Variants in NEGR1 observed in about 807,000 individuals in gnomAD.
The protein encoded by NEGR1 is IgLON family member 4.
NEGR1 carries 10 observed loss-of-function variants against 40.9 expected under a neutral mutation model. The ratio of observed to expected loss-of-function variants is 0.24; its 90% CI spans 0.15 to 0.42. NEGR1 has a LOEUF of 0.42. Ranked by LOEUF, NEGR1 falls within the 10% of genes least tolerant of loss-of-function variation. The probability of loss-of-function intolerance (pLI) is 1.00; values close to 1 mark genes in which losing one functional copy is unlikely to be tolerated. For missense variants in NEGR1, 352 were observed against 438.9 expected (o/e 0.80, Z 1.77); for synonymous variants, 185 against 166.8 (o/e 1.11, Z -0.84).
At chr1:71,528,667 T>G in intron 6 of NEGR1, among the ~76,000 whole-genome samples, 1 of 151,336 alleles carries the variant, frequency 6.6e-6, no homozygotes, top group East Asian at 1.9e-4. Context: ...TAATTCAGTT[T>G]ACAAACATTA....
At chr1:71,609,636 T>C (rs1244125541) in intron 5 of NEGR1, among the ~76,000 whole-genome samples, 1 of 151,628 alleles carries the variant, frequency 6.6e-6, no homozygotes, top group Non-Finnish European at 1.5e-5. Context: ...CACAAATCTT[T>C]TGATTCCAGT....
At chr1:72,242,850 G>T (rs1285396272) in intron 1 of NEGR1, among the ~76,000 whole-genome samples, 1 of 151,532 alleles carries the variant, frequency 6.6e-6, no homozygotes, top group Non-Finnish European at 1.5e-5. Context: ...TTGTCTCATT[G>T]TTGAGTCGGC....
intron 1 of NEGR1, among the ~76,000 whole-genome samples, chr1:72,239,508 G>A (rs944793272): frequency 2.0e-5 from 3 of 148,994 alleles, no homozygotes; most frequent in Admixed American, 1.3e-4. Context: ...ACTTAGTTTT[G>A]TTGCTCACAG....
At chr1:71,489,035 G>A (rs1484550535) in intron 6 of NEGR1, among the ~76,000 whole-genome samples, 1 of 151,560 alleles carries the variant, frequency 6.6e-6, no homozygotes, top group Admixed American at 6.6e-5. Context: ...AAGATCAAAT[G>A]ACATATGCTC....
chr1:72,268,585 G>C (rs967694948), intron 1 of NEGR1, among the ~76,000 whole-genome samples: 4 of 151,360 alleles, frequency 2.6e-5, no homozygotes, highest in Non-Finnish European at 5.9e-5. Flanking sequence ...TGCTGAAATT[G>C]GGTGAATGAA....
chr1:71,933,827 A>G (rs749546843), intron 2 of NEGR1, among the ~76,000 whole-genome samples: 2 of 152,080 alleles, frequency 1.3e-5, no homozygotes, highest in Non-Finnish European at 2.9e-5. Flanking sequence ...CTTAAAGTTA[A>G]TTGTTTAAGA....
At chr1:71,974,428 T>G (rs1453294345) in intron 1 of NEGR1, among the ~76,000 whole-genome samples, 1 of 152,164 alleles carries the variant, frequency 6.6e-6, no homozygotes, top group Non-Finnish European at 1.5e-5. Context: ...TTAAATTTGT[T>G]TTTTCTTTGA....
chr1:72,226,225 T>C (rs1654186491), intron 1 of NEGR1, among the ~76,000 whole-genome samples: 1 of 151,928 alleles, frequency 6.6e-6, no homozygotes, highest in Non-Finnish European at 1.5e-5. Context: ...AATTTATTTA[T>C]AGAAAAGGGA....
At chr1:71,629,126 C>G (rs1181602015) in intron 4 of NEGR1, among the ~76,000 whole-genome samples, 1 of 152,078 alleles carries the variant, frequency 6.6e-6, no homozygotes, top group South Asian at 2.1e-4. Context: ...AATGGTATCT[C>G]ATTGTGGTTT....
chr1:72,096,206 T>C (rs1279243370), intron 1 of NEGR1, among the ~76,000 whole-genome samples: 2 of 152,190 alleles, frequency 1.3e-5, no homozygotes, highest in African/African-American at 4.8e-5. Context: ...ATGAACTTCA[T>C]GTCATTTTAA....
chr1:72,009,493 T>C (rs1646638330), intron 1 of NEGR1, among the ~76,000 whole-genome samples: 1 of 152,120 alleles, frequency 6.6e-6, no homozygotes, highest in Non-Finnish European at 1.5e-5. Flanking sequence ...CAGAGGGTTT[T>C]TTTTATATTT....
intron 2 of NEGR1, among the ~76,000 whole-genome samples, chr1:71,795,922 C>A (rs1657308667): frequency 6.6e-6 from 1 of 152,066 alleles, no homozygotes; most frequent in Admixed American, 6.6e-5. Flanking sequence ...ACAATTTAGA[C>A]CAGGCTGAAC....
rs182354908 is a variant in NEGR1, at chr1:71,791,261, C to T, written c.410-14964G>A. Among the ~76,000 whole-genome samples the T allele has an allele frequency of 2.7e-3, 408 of 152,014 alleles. 3 individuals carry two copies. Among genetic ancestry groups the T allele is most frequent in the Non-Finnish European group, 4.3e-3 (290 of 67,910 alleles). ...TAAATAATATTAAAGTTAAATTATA[C>T]TAAAAGCAAAAATTTTAAAAACTCA... On this transcript the variant is annotated intron_variant, in intron 2 of 6. Transcript: ENST00000357731.
At chr1:71,425,500 G>A (rs1646423089) in intron 6 of NEGR1, among the ~76,000 whole-genome samples, 1 of 152,144 alleles carries the variant, frequency 6.6e-6, no homozygotes, top group East Asian at 1.9e-4. Context: ...CCACTGAGTT[G>A]GAAGGAAATA....
At chr1:71,963,769 A>G (rs1198073484) in intron 1 of NEGR1, among the ~76,000 whole-genome samples, 1 of 152,188 alleles carries the variant, frequency 6.6e-6, no homozygotes, top group Non-Finnish European at 1.5e-5. Flanking sequence ...AATCCCATTG[A>G]TTAAGCATAT....
At chr1:71,426,462 G>T (rs61777359) in intron 6 of NEGR1, among the ~76,000 whole-genome samples, 1 of 152,134 alleles carries the variant, frequency 6.6e-6, no homozygotes, top group African/African-American at 2.4e-5. Flanking sequence ...TAAAAGTCAC[G>T]ATGACAAATC....
At chr1:71,942,665 C>A (rs12139547) in intron 1 of NEGR1, among the ~76,000 whole-genome samples, 1 of 135,968 alleles carries the variant, frequency 7.4e-6, no homozygotes, top group African/African-American at 2.7e-5. Flanking sequence ...CTACGCCCGG[C>A]TAATTTTTTT....
At chr1:71,435,305 A>G (rs1421047746) in intron 6 of NEGR1, among the ~76,000 whole-genome samples, 3 of 152,180 alleles carry the variant, frequency 2.0e-5, no homozygotes, top group Non-Finnish European at 4.4e-5. Flanking sequence ...GACAATTGGC[A>G]AAAGGAAGGT....
chr1:72,193,088 T>C (rs1652876696), intron 1 of NEGR1, among the ~76,000 whole-genome samples: 1 of 151,786 alleles, frequency 6.6e-6, no homozygotes, highest in African/African-American at 2.4e-5. Flanking sequence ...TTAACTTTTC[T>C]GCTCCTTGGA....
Sources: gnomAD v4.1 joint callset for allele counts (sites outside exome capture counted in the v4.1 genomes callset) on GRCh38, gnomAD v4.1.1 for gene constraint, MANE v1.5 for transcripts, NCBI Gene and HGNC (gene_info 2026-07-23, HGNC 2026-07-21) for gene names.